Variants in POLA1 observed in about 807,000 individuals in gnomAD.
The protein encoded by POLA1 is DNA polymerase alpha catalytic subunit.
POLA1 carries 15 observed loss-of-function variants against 124.0 expected under a neutral mutation model. The observed-to-expected ratio is 0.12, with a 90% confidence interval of 0.08 to 0.19. The LOEUF (loss-of-function observed/expected upper bound fraction) is 0.19, where lower values mean the gene tolerates loss of function less well. Among genes scored for constraint, POLA1 ranks in the 10% least tolerant of loss-of-function variants. The pLI is 1.00. For missense variants in POLA1, 886 were observed against 1,103.4 expected (o/e 0.80, Z 2.79); for synonymous variants, 408 against 389.4 (o/e 1.05, Z -0.56).
At chrX:24,902,809 A>G (rs1344470071) in intron 35 of POLA1, among the ~76,000 whole-genome samples, 1 of 112,431 alleles carries the variant, frequency 8.9e-6, no homozygotes, top group Non-Finnish European at 1.9e-5. Context: ...CATCAGTGAC[A>G]CATAAAAAAG....
rs748906299 is a variant in POLA1, at chrX:24,920,015, T to C, written c.4165-10438T>C. Among the ~76,000 whole-genome samples, 10 of 102,587 alleles carry C rather than the reference T, an allele frequency of 9.7e-5. No homozygotes were observed. In the South Asian group the frequency reaches 4.2e-3, roughly 43 times the overall value. The allele number at this position is 102,587 out of a possible 115,157, so 89.1% of individuals were successfully genotyped here. ...GTGTGTGCCACCACACCCGGCTAATTTTTGTATTTTTAGTAGAGACGGGGT... is the reference window on the plus strand; with the variant it reads ...GTGTGTGCCACCACACCCGGCTAATCTTTGTATTTTTAGTAGAGACGGGGT... On this transcript the variant is annotated intron_variant, in intron 35 of 36. Coordinates refer to ENST00000379068, the MANE Select transcript of POLA1 (RefSeq NM_001330360.2).
intron 34 of POLA1, among the ~76,000 whole-genome samples, chrX:24,887,547 C>T (rs767451772): frequency 8.0e-5 from 9 of 112,179 alleles, no homozygotes; most frequent in African/African-American, 2.9e-4. Flanking sequence ...ACGGTAAGTA[C>T]TGTGGTATCC....
rs982750748 is a variant in POLA1 at position 24,960,454 on chromosome X, G to A, written c.4261+29905G>A. ...CCAGCCCCCACTAAGAGCTGACGGC[G>A]AGTGAACCAACTGGGAAAAGAAACC... is the stretch of plus-strand genomic sequence containing the variant. On this transcript the variant is annotated intron_variant, in intron 36 of 36. Transcript: ENST00000379068. Among the ~76,000 whole-genome samples the A allele has an allele frequency of 4.5e-5, 5 of 111,574 alleles. No individual in the cohort carries two copies. The South Asian group carries it at 1.5e-3, about 34-fold the overall frequency.
intron 36 of POLA1, among the ~76,000 whole-genome samples, chrX:24,966,256 A>G (rs1444499054): frequency 9.0e-6 from 1 of 111,361 alleles, no homozygotes; most frequent in Non-Finnish European, 1.9e-5. Flanking sequence ...TTTTTTTTCC[A>G]GTGCCACTTA....
intron 29 of POLA1, among the ~76,000 whole-genome samples, chrX:24,814,027 T>C (rs1174966681): frequency 9.0e-6 from 1 of 111,618 alleles, no homozygotes; most frequent in African/African-American, 3.3e-5. Context: ...TGCAAAACTA[T>C]TCTTGATTAG....
intron 26 of POLA1, among the ~76,000 whole-genome samples, chrX:24,791,680 GGCC>G (rs2148468911): frequency 8.9e-6 from 1 of 112,193 alleles, no homozygotes; most frequent in South Asian, 3.7e-4. Context: ...CACCACGCCC[GGCC>G]TATTGTATTG....
intron 26 of POLA1, among the ~76,000 whole-genome samples, chrX:24,767,377 G>GT (rs374892395): frequency 7.4e-4 from 83 of 111,667 alleles, no homozygotes; most frequent in African/African-American, 2.6e-3. Context: ...CTTAGGTTGG[G>GT]TATCAGTTAT....
At chrX:24,777,207 A>G (rs187936442) in intron 26 of POLA1, among the ~76,000 whole-genome samples, 96 of 112,264 alleles carry the variant, frequency 8.6e-4, no homozygotes, top group African/African-American at 3.0e-3. Flanking sequence ...GTGAAATACA[A>G]TACAAAAAGA....
At chrX:24,919,138 C>A (rs766082118) in intron 35 of POLA1, among the ~76,000 whole-genome samples, 1 of 111,700 alleles carries the variant, frequency 9.0e-6, no homozygotes, top group Non-Finnish European at 1.9e-5. Context: ...TGCTCTTAAC[C>A]ACCACACTAT....
At chrX:24,793,260 AGAGATAGACTCCCTCTC>A (rs1322577564) in intron 26 of POLA1, among the ~76,000 whole-genome samples, 3 of 92,148 alleles carry the variant, frequency 3.3e-5, no homozygotes, top group Admixed American at 1.2e-4. Flanking sequence ...CTGAATGAGA[AGAGATAGACTCCCTCTC>A]AAAAAAAAAA....
Position 24,817,637 on chromosome X carries a change from A to G in POLA1, c.3429+2526A>G, listed in dbSNP as rs181642250. On this transcript the variant is annotated intron_variant, in intron 30 of 36. Transcript: ENST00000379068. ...AAAAAAAAAAAAAAAGAAAAGAAAA[A>G]TGTATTTACTGTCCCATTATTCTTA... Among the ~76,000 whole-genome samples, 7 of 109,507 alleles carry G rather than the reference A, an allele frequency of 6.4e-5. No individual in the cohort carries two copies. The Admixed American group carries it at 6.8e-4, about 11-fold the overall frequency.
chrX:24,932,908 T>A (rs1396925710), intron 36 of POLA1, among the ~76,000 whole-genome samples: 1 of 111,547 alleles, frequency 9.0e-6, no homozygotes, highest in East Asian at 2.8e-4. Flanking sequence ...TATTCATAAG[T>A]GGTGGGATAT....
chrX:24,733,445 CT>C (rs1471974672), intron 16 of POLA1, among the ~76,000 whole-genome samples: 1 of 112,295 alleles, frequency 8.9e-6, no homozygotes, highest in Non-Finnish European at 1.9e-5. Flanking sequence ...CTGTATGTTG[CT>C]TGCGGCATTG....
intron 36 of POLA1, among the ~76,000 whole-genome samples, chrX:24,967,613 A>G (rs1360013889): frequency 9.0e-6 from 1 of 110,959 alleles, no homozygotes; most frequent in East Asian, 2.8e-4. Flanking sequence ...GTGAACCGAG[A>G]CTGCACCACT....
At chrX:24,753,504 C>A (rs1377162370) in intron 26 of POLA1, among the ~76,000 whole-genome samples, 1 of 110,271 alleles carries the variant, frequency 9.1e-6, no homozygotes, top group Non-Finnish European at 1.9e-5. Flanking sequence ...AGGCATATGC[C>A]ACCATCCTTG....
intron 26 of POLA1, among the ~76,000 whole-genome samples, chrX:24,795,664 T>C: frequency 1.1e-5 from 1 of 92,311 alleles, no homozygotes; most frequent in East Asian, 3.0e-4. Context: ...AAAGAAAGAT[T>C]TTTTTTTTTT....
intron 36 of POLA1, among the ~76,000 whole-genome samples, chrX:24,948,061 A>T (rs1429941291): frequency 8.9e-6 from 1 of 112,321 alleles, no homozygotes; most frequent in Non-Finnish European, 1.9e-5. Flanking sequence ...ACATGTGTTT[A>T]AAAAGCACTC....
At chrX:24,851,889 T>G (rs752587437) in intron 34 of POLA1, among the ~76,000 whole-genome samples, 13 of 112,608 alleles carry the variant, frequency 1.2e-4, no homozygotes, top group African/African-American at 4.2e-4. Context: ...CTTTCAAAAG[T>G]GAGATTTTCA....
At chrX:24,697,592 CTAAT>C (rs1928106938) in intron 1 of POLA1, among the ~76,000 whole-genome samples, 1 of 112,066 alleles carries the variant, frequency 8.9e-6, no homozygotes, top group Admixed American at 9.5e-5. Flanking sequence ...AATAAGATCT[CTAAT>C]TATGCCTTAC....
Sources: gnomAD v4.1 joint callset for allele counts (sites outside exome capture counted in the v4.1 genomes callset) on GRCh38, gnomAD v4.1.1 for gene constraint, MANE v1.5 for transcripts, NCBI Gene and HGNC (gene_info 2026-07-23, HGNC 2026-07-21) for gene names.